The following PRKCA variants were observed in gnomAD, a reference collection of about 807,000 sequenced individuals.
PRKCA encodes protein kinase C alpha type.
In PRKCA, 27 loss-of-function variants were observed where a neutral mutation model predicts 87.0. The ratio of observed to expected loss-of-function variants is 0.31; its 90% CI spans 0.23 to 0.43. The LOEUF is 0.43. PRKCA is among the 20% of genes least tolerant of loss of function. PRKCA has a pLI of 1.00. For missense variants in PRKCA, 518 were observed against 852.3 expected (o/e 0.61, Z 4.88); for synonymous variants, 329 against 311.1 (o/e 1.06, Z -0.61).
chr17:66,668,240 A>G (rs1192971125), intron 5 of PRKCA, among the ~76,000 whole-genome samples: 1 of 152,188 alleles, frequency 6.6e-6, no homozygotes, highest in Non-Finnish European at 1.5e-5. Context: ...ATCTTTCCAT[A>G]CAGTCTACAA....
intron 8 of PRKCA, among the ~76,000 whole-genome samples, chr17:66,707,027 T>C (rs1973209692): frequency 6.6e-6 from 1 of 152,148 alleles, no homozygotes; most frequent in Non-Finnish European, 1.5e-5. Context: ...AGACCTCCTG[T>C]GTGAGTTGAT....
rs868350803 is a variant in PRKCA at position 66,342,463 on chromosome 17, A to C, written c.205+36336A>C. 8.3e-3 allele frequency among the ~76,000 whole-genome samples: 1,225 copies of C among 147,160 alleles called. 21 individuals carry two copies. Among genetic ancestry groups the C allele is most frequent in the African/African-American group, 0.029 (1,174 of 40,482 alleles). On this transcript the variant is annotated intron_variant, in intron 2 of 16. Coordinates refer to ENST00000413366, the MANE Select transcript of PRKCA (RefSeq NM_002737.3). The stretch of plus-strand genomic sequence containing the variant: ...AATAAATAATAATAATAATAATAAT[A>C]ATAATAATAATAATAATAATAAATT...
At chr17:66,731,351 G>GAAAAAAAAAAAAA (rs5821509) in intron 8 of PRKCA, among the ~76,000 whole-genome samples, 3 of 112,462 alleles carry the variant, frequency 2.7e-5, no homozygotes, top group African/African-American at 7.5e-5. Context: ...CTCCGTCTCA[G>GAAAAAAAAAAAAA]AAAAAAAAAA....
At chr17:66,466,166 G>A (rs1478734155) in intron 2 of PRKCA, among the ~76,000 whole-genome samples, 1 of 152,208 alleles carries the variant, frequency 6.6e-6, no homozygotes, top group Non-Finnish European at 1.5e-5. Flanking sequence ...ATATGTCGAA[G>A]CACGAGGATG....
At chr17:66,533,303 TG>T (rs1411282800) in intron 3 of PRKCA, among the ~76,000 whole-genome samples, 1 of 152,214 alleles carries the variant, frequency 6.6e-6, no homozygotes, top group African/African-American at 2.4e-5. Context: ...ATGTTTCCTC[TG>T]CTCCTGGGCT....
intron 2 of PRKCA, among the ~76,000 whole-genome samples, chr17:66,434,033 G>A (rs1404237532): frequency 6.6e-6 from 1 of 152,080 alleles, no homozygotes; most frequent in Admixed American, 6.5e-5. Context: ...GCCAGGAGCA[G>A]CAGAGCCAGG....
chr17:66,305,738 A>G (rs778385553), intron 1 of PRKCA, among the ~76,000 whole-genome samples: 2 of 152,244 alleles, frequency 1.3e-5, no homozygotes, highest in Non-Finnish European at 2.9e-5. Flanking sequence ...ACTTCCTTTT[A>G]CAATTTTAAC....
At chr17:66,664,323 T>C (rs1354432000) in intron 5 of PRKCA, among the ~76,000 whole-genome samples, 5 of 152,186 alleles carry the variant, frequency 3.3e-5, no homozygotes, top group Non-Finnish European at 1.5e-5. Flanking sequence ...TGGCCTGGGC[T>C]GCCCTGCCTG....
intron 8 of PRKCA, among the ~76,000 whole-genome samples, chr17:66,692,429 AG>A (rs986060099): frequency 3.9e-5 from 6 of 152,208 alleles, no homozygotes; most frequent in Non-Finnish European, 8.8e-5. Flanking sequence ...GATTTTAGGC[AG>A]GGGTTCAATC....
intron 6 of PRKCA, 140 bp from the exon 7 acceptor site, chr17:66,688,162 C>T: frequency 9.8e-7 from 1 of 1,017,522 alleles, no homozygotes; most frequent in Non-Finnish European, 1.4e-6. Context: ...TGCTTGCCAG[C>T]ATAAGGGGTT....
At position 66,689,096 on chromosome 17, in the gene PRKCA, C is replaced by A; in HGVS notation, c.918+49C>A. On this transcript the variant is annotated intron_variant, in intron 8 of 16. Coordinates refer to ENST00000413366, the MANE Select transcript of PRKCA (RefSeq NM_002737.3). The surrounding 1 kb of genome is among the most constrained non-coding windows in gnomAD (Gnocchi z 4.1). ...AACACCTTTCCTTTAGAAAGCCCAA[C>A]TTCAGGAACGGCCGAGATGTTGTGG... 2 of 1,242,428 alleles carry A rather than the reference C, an allele frequency of 1.6e-6. No individual in the cohort carries two copies. The highest frequency in any genetic ancestry group is 2.3e-6 in the Non-Finnish European group (2 of 878,378). 77.0% of individuals were successfully genotyped at this position (1,242,428 alleles called of 1,614,324 possible).
intron 13 of PRKCA, among the ~76,000 whole-genome samples, chr17:66,770,588 C>A (rs1014120409): frequency 6.6e-6 from 1 of 152,250 alleles, no homozygotes; most frequent in Non-Finnish European, 1.5e-5. Flanking sequence ...GACTGGCCCC[C>A]TTTAAAGACT....
At chr17:66,497,552 T>C (rs948293060) in intron 3 of PRKCA, among the ~76,000 whole-genome samples, 1 of 151,020 alleles carries the variant, frequency 6.6e-6, no homozygotes, top group Admixed American at 6.6e-5. Flanking sequence ...GTCTAAAATA[T>C]GTTGGATAGA....
chr17:66,733,339 C>T lies in PRKCA; in HGVS notation c.1056+514C>T, dbSNP rs61760352. Among the ~76,000 whole-genome samples the T allele has an allele frequency of 4.4e-4, 67 of 152,278 alleles. 1 individual carries two copies. The highest frequency in any genetic ancestry group is 1.5e-3 in the African/African-American group (62 of 41,552). ...AAAGGGCAGGTTGGGTTTTATGCCT[C>T]ACAGGGTCCATGTTACACAGTAGAG... On this transcript the variant is annotated intron_variant, in intron 9 of 16. Coordinates refer to ENST00000413366, the MANE Select transcript of PRKCA (RefSeq NM_002737.3).
chr17:66,690,827 CAAAAA>C (rs34671486), intron 8 of PRKCA, among the ~76,000 whole-genome samples: 2 of 66,600 alleles, frequency 3.0e-5, no homozygotes, highest in Non-Finnish European at 2.8e-5. Flanking sequence ...GACTCTGTCT[CAAAAA>C]AAAAAAAAAA....
intron 2 of PRKCA, among the ~76,000 whole-genome samples, chr17:66,452,391 G>C (rs1914370429): frequency 6.6e-6 from 1 of 152,210 alleles, no homozygotes; most frequent in Admixed American, 6.5e-5. Context: ...ATCTGTTTTT[G>C]TGAGGCTTAA....
At chr17:66,745,938 G>A (rs756227369) in intron 13 of PRKCA, among the ~76,000 whole-genome samples, 8 of 152,092 alleles carry the variant, frequency 5.3e-5, no homozygotes, top group Non-Finnish European at 1.2e-4. Context: ...AGCACTCTGC[G>A]TGCTTACTGT....
At chr17:66,380,243 T>C (rs1909704128) in intron 2 of PRKCA, among the ~76,000 whole-genome samples, 1 of 152,024 alleles carries the variant, frequency 6.6e-6, no homozygotes, top group Admixed American at 6.6e-5. Flanking sequence ...TTCAACCTTA[T>C]GAGAAACACT....
At chr17:66,361,990 A>G (rs1311866142) in intron 2 of PRKCA, among the ~76,000 whole-genome samples, 1 of 152,096 alleles carries the variant, frequency 6.6e-6, no homozygotes, top group Non-Finnish European at 1.5e-5. Flanking sequence ...CACCTGCTCT[A>G]TTAAGCCACT....
Sources: allele counts gnomAD v4.1 joint callset (sites outside exome capture counted in the v4.1 genomes callset), GRCh38; gene constraint gnomAD v4.1.1; non-coding constraint Gnocchi (gnomAD v3.1); transcripts MANE v1.5; gene names NCBI Gene and HGNC (gene_info 2026-07-23, HGNC 2026-07-21).